The following MYH1 variants were observed in gnomAD, a reference collection of about 807,000 sequenced individuals.
The protein encoded by MYH1 is myosin-1.
MYH1 carries 214 observed loss-of-function variants against 225.6 expected under a neutral mutation model. The observed-to-expected ratio is 0.95, with a 90% confidence interval of 0.85 to 1.06. The LOEUF (loss-of-function observed/expected upper bound fraction) is 1.06. Ranked by LOEUF, MYH1 falls within the 50% of genes least tolerant of loss-of-function variation. MYH1 has a pLI of 0.00. For synonymous variants in MYH1, 774 were observed against 842.3 expected, an observed-to-expected ratio of 0.92 and a Z score of 1.40; for missense variants, 2,098 against 2,344.2, an observed-to-expected ratio of 0.89 and a Z score of 2.17.
chr17:10,512,175 A>G lies in MYH1; in HGVS notation c.1165T>C (p.Tyr389His). The change falls in exon 13 of 40, where the codon TAT becomes CAT. Residue 389 changes from tyrosine (Y) to histidine (H), a missense_variant. Transcript: ENST00000226207. ...TCTGCAGAGTTCAGATTTTGGAGAT[A>G]GGCTGCCTTGTCAGCAACTGCAGAA... ...DGTEVADKAA[Y>H]LQNLNSADLL... 1.2e-6 allele frequency: 2 copies of G among 1,614,170 alleles called. No individual in the cohort carries two copies. The highest frequency in any genetic ancestry group is 1.7e-6 in the Non-Finnish European group (2 of 1,180,000).
intron 38 of MYH1, 23 bp downstream of exon 38, chr17:10,494,546 C>T: frequency 6.2e-7 from 1 of 1,612,878 alleles, no homozygotes; most frequent in Non-Finnish European, 8.5e-7. Flanking sequence ...AAAGTGAAAA[C>T]CTAGACAGGC....
At chr17:10,494,745 C>A (rs751348410) in intron 37 of MYH1, 72 bp from the exon 38 acceptor site, 2 of 1,598,794 alleles carry the variant, frequency 1.3e-6, no homozygotes, top group Non-Finnish European at 1.7e-6. Context: ...CCACATACTT[C>A]TTCTACTCTG....
chr17:10,511,585 A>G (rs946441274), intron 14 of MYH1, among the ~76,000 whole-genome samples: 4 of 152,174 alleles, frequency 2.6e-5, no homozygotes, highest in African/African-American at 4.8e-5. Context: ...AATTTGCCCA[A>G]TGATCAATCA....
At chr17:10,500,144 C>A (rs1455737062) in intron 28 of MYH1, among the ~76,000 whole-genome samples, 1 of 152,188 alleles carries the variant, frequency 6.6e-6, no homozygotes, top group East Asian at 1.9e-4. Flanking sequence ...CAAGTTGCTT[C>A]ATCACTACCA....
chr17:10,513,796 AC>A (rs1256820243), intron 8 of MYH1, 24 bp downstream of exon 8: 3 of 1,614,072 alleles, frequency 1.9e-6, no homozygotes, highest in Non-Finnish European at 2.5e-6. Flanking sequence ...GGCAGAGAAG[AC>A]CCTTTGGCAA....
chr17:10,501,457 C>T lies in MYH1; in HGVS notation c.3391G>A (p.Ala1131Thr). ...ELEEEIEAER[A>T]SRAKAEKQRS... Reference sequence around the variant, plus strand: ...TGCTTCTCTGCTTTGGCCCGGGAGGCCCGCTCTGCCTCGATTTCCTCCTCC... The same window carrying T: ...TGCTTCTCTGCTTTGGCCCGGGAGGTCCGCTCTGCCTCGATTTCCTCCTCC... Residue 1131 changes from alanine to threonine, a missense_variant, in exon 27 of 40, where the codon GCC (alanine) becomes ACC (threonine). Transcript: ENST00000226207. 1 of 1,614,242 alleles carries T rather than the reference C, an allele frequency of 6.2e-7. No homozygotes were observed. Among genetic ancestry groups the T allele is most frequent in the Admixed American group, 1.7e-5 (1 of 60,026 alleles).
chr17:10,500,939 T>C (rs1567717089), intron 27 of MYH1, among the ~76,000 whole-genome samples, 171 bp downstream of exon 27: 1 of 152,124 alleles, frequency 6.6e-6, no homozygotes, highest in Admixed American at 6.5e-5. Flanking sequence ...AGTCCAAGCA[T>C]ACAGCCACTG....
At position 10,492,493 on chromosome 17, in the gene MYH1, C is replaced by T; in HGVS notation, c.5743G>A (p.Asp1915Asn). ...HELEEAEERA[D>N]IAESQVNKLR... is the part of the protein sequence containing the mutation. ...TTGTTGACCTGGGACTCAGCAATGT[C>T]AGCCCGTTCCTCGGCCTCCTCCAGC... Residue 1915 changes from aspartate (D) to asparagine (N), a missense_variant, in exon 40 of 40, where the codon GAC becomes AAC. Physicochemically the swap from Asp to Asn is conservative, Grantham distance 23. Coordinates refer to ENST00000226207, the MANE Select transcript of MYH1 (RefSeq NM_005963.4). 1 of 1,614,184 alleles carries T rather than the reference C, an allele frequency of 6.2e-7. No individual in the cohort carries two copies. The highest frequency in any genetic ancestry group is 8.5e-7 in the Non-Finnish European group (1 of 1,180,026).
Position 10,500,687 on chromosome 17 carries a change from C to G in MYH1, c.3804G>C (p.Glu1268Asp). 8 of 1,614,156 alleles carry G rather than the reference C, an allele frequency of 5.0e-6. No homozygotes were observed. Among genetic ancestry groups the G allele is most frequent in the Non-Finnish European group, 6.8e-6 (8 of 1,180,040 alleles). Residue 1268 changes from glutamate to aspartate, a missense_variant, in exon 28 of 40, where the codon GAG becomes GAC. By Grantham distance (45) the Glu-to-Asp change is conservative. Coordinates refer to ENST00000226207, the MANE Select transcript of MYH1 (RefSeq NM_005963.4). ...GGTCATTGATCAGCCGCTGCTGCTCCTCTTCCTTGGTCTTAATTTCACTCA... is the reference window on the plus strand; with the variant it reads ...GGTCATTGATCAGCCGCTGCTGCTCGTCTTCCTTGGTCTTAATTTCACTCA... ...DQLSEIKTKEEEQQRLINDLT... is the reference protein window; with the variant it reads ...DQLSEIKTKEDEQQRLINDLT...
At chr17:10,496,198 A>G in intron 34 of MYH1, 43 bp downstream of exon 34, 1 of 1,614,134 alleles carries the variant, frequency 6.2e-7, no homozygotes, top group Non-Finnish European at 8.5e-7. Flanking sequence ...TCAGGGTTGC[A>G]GGCACCCCAA....
chr17:10,505,399 C>T lies in MYH1; in HGVS notation c.2287G>A (p.Gly763Ser). 6.2e-7 allele frequency: 1 copy of T among 1,614,202 alleles called. No individual in the cohort carries two copies. The change falls in exon 20 of 40, where the codon GGT (glycine) becomes AGT (serine). Residue 763 changes from glycine to serine, a missense_variant. Transcript: ENST00000226207. ...IDIDHTQYKF[G>S]HTKVFFKAGL... ...TTACAGAATATTACCTTGGTGTGAC[C>T]AAATTTATACTGGGTGTGGTCAATG...
chr17:10,501,027 G>T, intron 27 of MYH1, 83 bp downstream of exon 27: 1 of 1,569,194 alleles, frequency 6.4e-7, no homozygotes, highest in South Asian at 1.2e-5. Context: ...TTTAGTTCAT[G>T]AGACGTTTTT....
intron 39 of MYH1, among the ~76,000 whole-genome samples, chr17:10,494,026 C>T (rs2072961409): frequency 6.6e-6 from 1 of 152,190 alleles, no homozygotes; most frequent in Non-Finnish European, 1.5e-5. Context: ...TTCCCAGTAC[C>T]TTATTGTTCT....
In MYH1 at chr17:10,494,711, C is replaced by T. The variant is rs141243866; in HGVS notation, c.5467-38G>A. On this transcript the variant is annotated intron_variant, in intron 37 of 39. Coordinates refer to ENST00000226207, the MANE Select transcript of MYH1 (RefSeq NM_005963.4). Reference sequence around the variant, plus strand: ...GGACATTTTAAGGACATTCATTTGACGAATTTCTACTTCTTCACATGACCC... The same window carrying T: ...GGACATTTTAAGGACATTCATTTGATGAATTTCTACTTCTTCACATGACCC... The T allele has an allele frequency of 3.5e-3, 5,693 of 1,609,480 alleles. 23 individuals are homozygous for T. Among genetic ancestry groups the T allele is most frequent in the Middle Eastern group, 0.011 (66 of 6,034 alleles).
chr17:10,495,983 A>G lies in MYH1; in HGVS notation c.5136T>C (p.Asp1712=), dbSNP rs2072988504. 6.2e-7 allele frequency: 1 copy of G among 1,614,090 alleles called. No individual in the cohort carries two copies. The change falls in exon 35 of 40, where the codon GAT becomes GAC. Residue 1712 remains aspartate, a synonymous_variant. Transcript: ENST00000226207. ...GCAGGAGCTGAACACGCTCACTGGC[A>G]TCCAGGAGCTCCTGTTCTGCGATTT... The part of the protein sequence containing the change: ...SRKIAEQELL[D]ASERVQLLHT...
chr17:10,505,669 G>C, intron 19 of MYH1, 143 bp downstream of exon 19: 1 of 1,368,034 alleles, frequency 7.3e-7, no homozygotes, highest in South Asian at 1.4e-5. Context: ...GGACTTCAGA[G>C]TTTTCTTATG....
intron 24 of MYH1, 131 bp from the exon 25 acceptor site, chr17:10,502,042 C>T (rs189962989): frequency 1.6e-4 from 147 of 929,300 alleles, no homozygotes; most frequent in Non-Finnish European, 2.1e-4. Context: ...CCCATTGATT[C>T]CATTCTCCTT....
chr17:10,517,302 G>C (rs2073238571), intron 2 of MYH1, among the ~76,000 whole-genome samples: 1 of 152,134 alleles, frequency 6.6e-6, no homozygotes, highest in Admixed American at 6.5e-5. Context: ...GTGGCTCTTT[G>C]TTTTGCATTG....
At chr17:10,509,106 C>T (rs979747034) in intron 15 of MYH1, among the ~76,000 whole-genome samples, 5 of 152,058 alleles carry the variant, frequency 3.3e-5, no homozygotes, top group African/African-American at 7.2e-5. Flanking sequence ...GTGGGTCTTT[C>T]GCACACTGGA....
Sources: allele counts gnomAD v4.1 joint callset (sites outside exome capture counted in the v4.1 genomes callset), GRCh38; gene constraint gnomAD v4.1.1; transcripts MANE v1.5; gene names NCBI Gene and HGNC (gene_info 2026-07-23, HGNC 2026-07-21).